The following BIRC2 variants were observed in gnomAD, a reference collection of about 807,000 sequenced individuals.
BIRC2 encodes baculoviral IAP repeat containing 2, also known as baculoviral IAP repeat-containing protein 2.
BIRC2 carries 18 observed loss-of-function variants against 60.9 expected under a neutral mutation model. The ratio of observed to expected loss-of-function variants is 0.30; its 90% CI spans 0.20 to 0.44. The LOEUF (loss-of-function observed/expected upper bound fraction) is 0.44. BIRC2 is among the 20% of genes least tolerant of loss of function. BIRC2 has a pLI of 1.00. For missense variants in BIRC2, 701 were observed against 728.5 expected, an observed-to-expected ratio of 0.96 and a Z score of 0.43; for synonymous variants, 282 against 247.7, an observed-to-expected ratio of 1.14 and a Z score of -1.30.
intron 3 of BIRC2, among the ~76,000 whole-genome samples, chr11:102,353,337 T>C (rs1299286410): frequency 2.6e-5 from 4 of 152,216 alleles, no homozygotes; most frequent in Non-Finnish European, 5.9e-5. Context: ...CTTTTTTTTA[T>C]TTTTTTGAGA....
chr11:102,361,647 G>A (rs969514235), intron 3 of BIRC2, among the ~76,000 whole-genome samples: 3 of 152,104 alleles, frequency 2.0e-5, no homozygotes, highest in Non-Finnish European at 4.4e-5. Flanking sequence ...GGAAGTCTGT[G>A]GCTATCTTGA....
At position 102,347,331 on chromosome 11, in the gene BIRC2, C is replaced by T. The variant is rs1014771827; in HGVS notation, c.-1303C>T. 7 of 152,350 alleles carry T rather than the reference C, an allele frequency of 4.6e-5. No homozygotes were observed. Among genetic ancestry groups the T allele is most frequent in the African/African-American group, 9.6e-5 (4 of 41,472 alleles). The allele number at this position is 152,350 out of a possible 1,614,324, so 9.4% of individuals were successfully genotyped here. ...CGCTGATTCCCGGCTCTGCGGAGGC[C>T]TCTAGGCAGCCGCGCAGCTTCCGTG... is the stretch of plus-strand genomic sequence containing the variant. On this transcript the variant is annotated 5_prime_UTR_variant, in exon 1 of 9. Coordinates refer to ENST00000227758, the MANE Select transcript of BIRC2 (RefSeq NM_001166.5).
intron 6 of BIRC2, among the ~76,000 whole-genome samples, chr11:102,376,859 G>A (rs1951720756): frequency 6.6e-6 from 1 of 152,172 alleles, no homozygotes; most frequent in African/African-American, 2.4e-5. Context: ...TGAGGAAACT[G>A]AGGTGTATGG....
At chr11:102,360,824 G>C (rs1951477642) in intron 3 of BIRC2, among the ~76,000 whole-genome samples, 1 of 135,672 alleles carries the variant, frequency 7.4e-6, no homozygotes, top group African/African-American at 2.6e-5. Flanking sequence ...CTGTGGGTGA[G>C]GGTGAGGGTG....
intron 6 of BIRC2, 21 bp from the exon 7 acceptor site, chr11:102,377,475 C>A (rs376155769): frequency 3.4e-5 from 54 of 1,571,992 alleles, no homozygotes; most frequent in Non-Finnish European, 4.6e-5. Context: ...TAATGGATTT[C>A]TTTTTCTTTT....
At chr11:102,364,908 T>C (rs1951536464) in intron 5 of BIRC2, among the ~76,000 whole-genome samples, 2 of 152,232 alleles carry the variant, frequency 1.3e-5, no homozygotes, top group African/African-American at 4.8e-5. Flanking sequence ...ACCACTGCTA[T>C]TAAGTAGGCT....
chr11:102,366,086 C>G (rs571303843), intron 5 of BIRC2, among the ~76,000 whole-genome samples: 1 of 152,246 alleles, frequency 6.6e-6, no homozygotes, highest in African/African-American at 2.4e-5. Context: ...GAATGTCCAG[C>G]TAACTGTTTA....
chr11:102,375,343 A>C (rs1951697594), intron 6 of BIRC2, among the ~76,000 whole-genome samples: 1 of 152,208 alleles, frequency 6.6e-6, no homozygotes, highest in Admixed American at 6.5e-5. Context: ...AAGGTTGCAT[A>C]TGTATTGGAG....
intron 6 of BIRC2, among the ~76,000 whole-genome samples, chr11:102,371,959 G>A (rs1308884785): frequency 6.6e-6 from 1 of 152,108 alleles, no homozygotes; most frequent in African/African-American, 2.4e-5. Flanking sequence ...TTGTGTAGAG[G>A]TGTTTGTAGT....
At chr11:102,355,292 G>T (rs80113405) in intron 3 of BIRC2, among the ~76,000 whole-genome samples, 2,209 of 152,238 alleles carry the variant, frequency 0.015, 52 homozygotes, top group African/African-American at 0.05. Context: ...GGTGGTATAA[G>T]ATAGAGGTCT....
Position 102,350,505 on chromosome 11 carries a change from G to A in BIRC2, c.651G>A (p.Arg217=). 7 of 1,614,146 alleles carry A rather than the reference G, an allele frequency of 4.3e-6. 1 individual carries two copies. The South Asian group carries it at 7.7e-5, about 18-fold the overall frequency. ...AGFYYIGPGD[R]VACFACGGKL... ...TTTATTATATAGGACCTGGAGATAGGGTAGCCTGCTTTGCCTGTGGTGGGA... is the reference window on the plus strand; with the variant it reads ...TTTATTATATAGGACCTGGAGATAGAGTAGCCTGCTTTGCCTGTGGTGGGA... Residue 217 remains arginine (R), a synonymous_variant, in exon 2 of 9, where the codon AGG becomes AGA. Coordinates refer to ENST00000227758, the MANE Select transcript of BIRC2 (RefSeq NM_001166.5).
rs373002343 is a variant in BIRC2, at chr11:102,378,211, A to C, written c.*28A>C. The C allele has an allele frequency of 1.3e-6, 2 of 1,507,388 alleles. No individual in the cohort carries two copies. The highest frequency in any genetic ancestry group is 1.8e-6 in the Non-Finnish European group (2 of 1,125,310). 93.4% of individuals were successfully genotyped at this position (1,507,388 alleles called of 1,614,324 possible). ...AAAAATAGTCTATATTTTAACCTGCATAAAAAGGTCTTTAAAATATTGTTG... is the reference window on the plus strand; with the variant it reads ...AAAAATAGTCTATATTTTAACCTGCCTAAAAAGGTCTTTAAAATATTGTTG... On this transcript the variant is annotated 3_prime_UTR_variant, in exon 9 of 9. Coordinates refer to ENST00000227758, the MANE Select transcript of BIRC2 (RefSeq NM_001166.5).
intron 5 of BIRC2, among the ~76,000 whole-genome samples, chr11:102,365,798 G>T (rs191300259): frequency 5.8e-4 from 88 of 151,762 alleles, no homozygotes; most frequent in African/African-American, 2.0e-3. Context: ...TCACCATGTT[G>T]CCCAGGCTGG....
intron 5 of BIRC2, among the ~76,000 whole-genome samples, chr11:102,366,587 G>A (rs938351815): frequency 1.3e-5 from 2 of 151,754 alleles, no homozygotes; most frequent in Admixed American, 6.6e-5. Flanking sequence ...AGCCAGGATG[G>A]TCTCGATCTC....
intron 3 of BIRC2, among the ~76,000 whole-genome samples, chr11:102,354,003 G>A (rs1276134079): frequency 6.6e-6 from 1 of 152,104 alleles, no homozygotes; most frequent in Non-Finnish European, 1.5e-5. Context: ...TGCAGAACCT[G>A]TGCATCCAAA....
chr11:102,368,116 TATTA>T (rs1250266007), intron 5 of BIRC2, among the ~76,000 whole-genome samples, 186 bp from the exon 6 acceptor site: 12 of 152,208 alleles, frequency 7.9e-5, no homozygotes, highest in Non-Finnish European at 1.8e-4. Flanking sequence ...AAGTATAGCA[TATTA>T]ATTGTATTCT....
chr11:102,351,373 G>T (rs1314741367), intron 3 of BIRC2, among the ~76,000 whole-genome samples: 1 of 152,124 alleles, frequency 6.6e-6, no homozygotes, highest in Non-Finnish European at 1.5e-5. Context: ...CCAGCACTTT[G>T]GGAGGCCGAG....
At chr11:102,351,272 G>A (rs1363409932) in intron 3 of BIRC2, among the ~76,000 whole-genome samples, 1 of 152,106 alleles carries the variant, frequency 6.6e-6, no homozygotes, top group African/African-American at 2.4e-5. Context: ...AACAAGAAGG[G>A]ACATAGAATG....
chr11:102,359,908 A>T (rs1003009697), intron 3 of BIRC2, among the ~76,000 whole-genome samples: 7 of 149,740 alleles, frequency 4.7e-5, no homozygotes, highest in Admixed American at 1.3e-4. Flanking sequence ...TTTTTTTTTT[A>T]AATCAGCTTT....
Sources: gnomAD v4.1 joint callset for allele counts (sites outside exome capture counted in the v4.1 genomes callset) on GRCh38, gnomAD v4.1.1 for gene constraint, MANE v1.5 for transcripts, NCBI Gene and HGNC (gene_info 2026-07-23, HGNC 2026-07-21) for gene names.